Variants in BEST1 observed in about 807,000 individuals in gnomAD.
BEST1 encodes bestrophin 1.
BEST1 carries 58 observed loss-of-function variants against 63.3 expected under a neutral mutation model. The observed-to-expected ratio is 0.92, with a 90% confidence interval of 0.74 to 1.14. The LOEUF is 1.14. Ranked by LOEUF, BEST1 falls within the 50% of genes most tolerant of loss-of-function variation. The pLI is 0.00. For missense variants in BEST1, 671 were observed against 740.1 expected (o/e 0.91, Z 1.08); for synonymous variants, 283 against 291.6 (o/e 0.97, Z 0.30).
Position 61,960,045 on chromosome 11 carries a change from T to C in BEST1, c.1100+2T>C. The C allele has an allele frequency of 6.2e-7, 1 of 1,607,188 alleles. No homozygotes were observed. The highest frequency in any genetic ancestry group is 8.5e-7 in the Non-Finnish European group (1 of 1,177,406). On this transcript the variant is annotated splice_donor_variant, in intron 9 of 10. Coordinates refer to ENST00000378043, the MANE Select transcript of BEST1 (RefSeq NM_004183.4). LOFTEE classifies it high-confidence loss of function. ...TATGGGCTCCACCTTCAACATCAGGTGTGGCCAGAGCCAGGGGGCTGGGTG... is the reference window on the plus strand; with the variant it reads ...TATGGGCTCCACCTTCAACATCAGGCGTGGCCAGAGCCAGGGGGCTGGGTG...
downstream of BEST1, chr11:61,965,146 C>A: frequency 6.2e-7 from 1 of 1,602,538 alleles, no homozygotes; most frequent in Non-Finnish European, 8.5e-7. Context: ...TCTCTACCAA[C>A]TAACCTAGAA....
chr11:61,955,140 T>A lies in BEST1; in HGVS notation c.186T>A (p.Phe62Leu). ...TCACGGAAGAACAACAGCTGATGTT[T>A]GAGAAACTGACTCTGTATTGCGACA... is the stretch of plus-strand genomic sequence containing the variant. ...LALTEEQQLMFEKLTLYCDSY... is the reference protein window; with the variant it reads ...LALTEEQQLMLEKLTLYCDSY... Residue 62 changes from phenylalanine (F) to leucine (L), a missense_variant, in exon 3 of 11, where the codon TTT becomes TTA. Coordinates refer to ENST00000378043, the MANE Select transcript of BEST1 (RefSeq NM_004183.4). 6.2e-7 allele frequency: 1 copy of A among 1,613,764 alleles called. No individual in the cohort carries two copies. Among genetic ancestry groups the A allele is most frequent in the Non-Finnish European group, 8.5e-7 (1 of 1,179,642 alleles).
At chr11:61,955,299 AGG>A in intron 3 of BEST1, 98 bp downstream of exon 3, 1 of 851,974 alleles carries the variant, frequency 1.2e-6, no homozygotes, top group Middle Eastern at 2.9e-4. Flanking sequence ...GGGGCTGGGG[AGG>A]GGGCGGGGGA....
Position 61,955,110 on chromosome 11 carries a change from G to A in BEST1, c.156G>A (p.Leu52=). 1 of 1,560,640 alleles carries A rather than the reference G, an allele frequency of 6.4e-7. No homozygotes were observed. Among genetic ancestry groups the A allele is most frequent in the Non-Finnish European group, 8.8e-7 (1 of 1,139,326 alleles). ...CCACCCCCACCCCCACCCCCAGGCT[G>A]GCCCTCACGGAAGAACAACAGCTGA... ...CYYIIRFIYR[L]ALTEEQQLMF... is the part of the protein sequence containing the mutation. The change falls in exon 3 of 11, where the codon CTG becomes CTA. Residue 52 remains leucine (L), a synonymous_variant. Coordinates refer to ENST00000378043, the MANE Select transcript of BEST1 (RefSeq NM_004183.4).
chr11:61,955,642 C>A, intron 3 of BEST1, 76 bp from the exon 4 acceptor site: 1 of 1,432,964 alleles, frequency 7.0e-7, no homozygotes. Flanking sequence ...GGAGCCGAGG[C>A]ATCGCCGGGC....
chr11:61,955,291 G>A (rs1454899092), intron 3 of BEST1, 90 bp downstream of exon 3: 1 of 1,599,970 alleles, frequency 6.3e-7, no homozygotes, highest in Non-Finnish European at 8.5e-7. Flanking sequence ...TGCGGCAAGG[G>A]GCTGGGGAGG....
chr11:61,962,139 C>T (rs575625330), intron 9 of BEST1, 116 bp from the exon 10 acceptor site: 39 of 1,057,220 alleles, frequency 3.7e-5, no homozygotes, highest in Admixed American at 2.3e-4. Flanking sequence ...GTGAGGAAGA[C>T]GGTGTGGCCT....
chr11:61,957,136 C>A, intron 5 of BEST1, 138 bp downstream of exon 5: 2 of 1,336,086 alleles, frequency 1.5e-6, no homozygotes, highest in Non-Finnish European at 2.1e-6. Flanking sequence ...GAATCTTTTC[C>A]AACAGCAATC....
chr11:61,962,989 G>A (rs1942238906), intron 10 of BEST1, 96 bp downstream of exon 10: 2 of 1,606,882 alleles, frequency 1.2e-6, no homozygotes, highest in African/African-American at 1.3e-5. Context: ...AATTTCCTAG[G>A]GTTCCATCAC....
At chr11:61,953,982 A>G (rs1232336295) in intron 2 of BEST1, among the ~76,000 whole-genome samples, 1 of 152,256 alleles carries the variant, frequency 6.6e-6, no homozygotes, top group Non-Finnish European at 1.5e-5. Context: ...CACCGAATAT[A>G]TGATAGCATT....
chr11:61,961,325 T>G (rs1591308638), intron 9 of BEST1: 1 of 152,250 alleles, frequency 6.6e-6, no homozygotes, highest in East Asian at 1.9e-4. Context: ...TGCTTGTTCT[T>G]TTAAGAACCA....
upstream of BEST1, chr11:61,950,311 G>A (rs1033450011): frequency 6.5e-6 from 1 of 152,792 alleles, no homozygotes; most frequent in Non-Finnish European, 1.5e-5. Flanking sequence ...GCACTCACGT[G>A]GGCAGTGCCA....
downstream of BEST1, chr11:61,965,348 C>A (rs769113703): frequency 6.9e-6 from 11 of 1,588,070 alleles, no homozygotes; most frequent in South Asian, 7.2e-5. Context: ...AAGTATGACA[C>A]CCCTAGGATC....
chr11:61,956,034 G>A lies in BEST1; in HGVS notation c.481+83G>A. The A allele has an allele frequency of 1.5e-5, 20 of 1,347,338 alleles. No homozygotes were observed. In the South Asian group the frequency reaches 2.4e-4, roughly 16 times the overall value. The allele number at this position is 1,347,338 out of a possible 1,614,324, so 83.5% of individuals were successfully genotyped here. A position where few individuals can be genotyped will look rare whatever the true frequency, so the allele number is the denominator to read the frequency against. On this transcript the variant is annotated intron_variant, in intron 4 of 10. Coordinates refer to ENST00000378043, the MANE Select transcript of BEST1 (RefSeq NM_004183.4). The stretch of plus-strand genomic sequence containing the variant: ...GCGGCAGGAATGGAAGATGGGTGGA[G>A]CCAAAGTCCCCCGGACTCGGGGGAT...
chr11:61,954,536 A>G (rs1391020252), intron 2 of BEST1, among the ~76,000 whole-genome samples: 2 of 152,090 alleles, frequency 1.3e-5, no homozygotes, highest in Non-Finnish European at 1.5e-5. Context: ...TGCAATGGCA[A>G]TCACAGCCCA....
chr11:61,952,633 AT>A lies in BEST1; in HGVS notation c.152+688del, dbSNP rs200389888. 3.5e-3 allele frequency among the ~76,000 whole-genome samples: 505 copies of A among 143,752 alleles called. 1 individual carries two copies. The highest frequency in any genetic ancestry group is 4.4e-3 in the Non-Finnish European group (287 of 65,524). 94.3% of individuals were successfully genotyped at this position (143,752 alleles called of 152,430 possible). ...AGGCACACACCACCACGCCTGGCTA[AT>A]TTTTTTTTTTTTCTGTATTTTTAGT... On this transcript the variant is annotated intron_variant, in intron 2 of 10. Transcript: ENST00000378043.
downstream of BEST1, chr11:61,965,211 T>G: frequency 6.3e-7 from 1 of 1,594,696 alleles, no homozygotes; most frequent in South Asian, 1.1e-5. Context: ...GACATTACTA[T>G]TTGCCTAATT....
downstream of BEST1, chr11:61,965,204 A>G: frequency 6.3e-7 from 1 of 1,593,666 alleles, no homozygotes; most frequent in East Asian, 2.2e-5. Context: ...CAAAAGGGAC[A>G]TTACTATTTG....
At chr11:61,957,315 G>T (rs741886) in intron 5 of BEST1, 72 bp from the exon 6 acceptor site, 100,411 of 1,387,582 alleles carry the variant, frequency 0.072, 4,106 homozygotes, top group Admixed American at 0.084. Context: ...GGTACCTGGA[G>T]AAGAGGTGGG....
Sources: allele counts gnomAD v4.1 joint callset (sites outside exome capture counted in the v4.1 genomes callset), GRCh38; gene constraint gnomAD v4.1.1; transcripts MANE v1.5; gene names NCBI Gene and HGNC (gene_info 2026-07-23, HGNC 2026-07-21).